ADAMTS16: variants seen among roughly 807,000 people sequenced by gnomAD.
ADAMTS16 encodes ADAM metallopeptidase with thrombospondin type 1 motif 16, also known as A disintegrin and metalloproteinase with thrombospondin motifs 16.
In ADAMTS16, 94 loss-of-function variants were observed where a neutral mutation model predicts 145.8. The observed-to-expected ratio is 0.64, with a 90% confidence interval of 0.55 to 0.77. ADAMTS16 has a LOEUF of 0.77. Ranked by LOEUF, ADAMTS16 falls within the 30% of genes least tolerant of loss-of-function variation. ADAMTS16 has a pLI of 0.00. For missense variants in ADAMTS16, 1,585 were observed against 1,591.5 expected (o/e 1.00, Z 0.07); for synonymous variants, 659 against 604.3 (o/e 1.09, Z -1.33).
At chr5:5,152,765 T>C (rs151181625) in intron 3 of ADAMTS16, among the ~76,000 whole-genome samples, 25 of 152,362 alleles carry the variant, frequency 1.6e-4, no homozygotes, top group Admixed American at 4.6e-4. Context: ...TGTTTCTCCA[T>C]ATTTTATGCA....
intron 10 of ADAMTS16, among the ~76,000 whole-genome samples, chr5:5,212,107 A>C (rs895428022): frequency 2.6e-5 from 4 of 152,062 alleles, no homozygotes; most frequent in African/African-American, 9.7e-5. Flanking sequence ...TTGTTCCACC[A>C]GTTTTACAAA....
chr5:5,195,942 T>C (rs181621813), intron 8 of ADAMTS16, among the ~76,000 whole-genome samples: 2 of 152,188 alleles, frequency 1.3e-5, no homozygotes, highest in East Asian at 1.9e-4. Context: ...AGAAGCAGCA[T>C]TGGGCCGTGT....
intron 16 of ADAMTS16, among the ~76,000 whole-genome samples, chr5:5,240,874 A>T (rs1181788588): frequency 6.6e-6 from 1 of 152,120 alleles, no homozygotes; most frequent in Non-Finnish European, 1.5e-5. Context: ...TCTTTCCATG[A>T]TCTTTCCTTG....
intron 8 of ADAMTS16, among the ~76,000 whole-genome samples, chr5:5,193,360 C>T (rs1735718687): frequency 6.6e-6 from 1 of 152,148 alleles, no homozygotes; most frequent in African/African-American, 2.4e-5. Flanking sequence ...GAAAATTACA[C>T]CTTCACTTTA....
chr5:5,273,296 C>T (rs1424573336), intron 18 of ADAMTS16, among the ~76,000 whole-genome samples: 3 of 152,176 alleles, frequency 2.0e-5, no homozygotes, highest in Non-Finnish European at 2.9e-5. Context: ...GGCAAGTGGA[C>T]GGCTTGAGCT....
intron 11 of ADAMTS16, among the ~76,000 whole-genome samples, chr5:5,226,081 TG>T (rs1312251156): frequency 6.6e-6 from 1 of 152,166 alleles, no homozygotes; most frequent in African/African-American, 2.4e-5. Flanking sequence ...AGAATCAAAA[TG>T]GGAGGCGGTT....
In ADAMTS16 at chr5:5,237,093, A is replaced by C; in HGVS notation, c.2148A>C (p.Ile716=). 1 of 1,613,286 alleles carries C rather than the reference A, an allele frequency of 6.2e-7. No individual in the cohort carries two copies. Among genetic ancestry groups the C allele is most frequent in the South Asian group, 1.1e-5 (1 of 90,824 alleles). Residue 716 remains isoleucine (I), a synonymous_variant, in exon 14 of 23, where the codon ATA becomes ATC. Transcript: ENST00000274181. ...GCCGTAATGTTTGTATAGATGGGAT[A>C]TGTGAGGTAATCATGATCCTTCATT... The part of the protein sequence containing the change: ...EDSRNVCIDG[I]CERVGCDNVL...
chr5:5,164,609 C>T (rs1279570853), intron 3 of ADAMTS16, among the ~76,000 whole-genome samples: 2 of 152,196 alleles, frequency 1.3e-5, no homozygotes, highest in Non-Finnish European at 2.9e-5. Context: ...AGTAGGAGCC[C>T]GCCAGCCCTG....
chr5:5,236,742 G>A (rs985506017), intron 13 of ADAMTS16, among the ~76,000 whole-genome samples: 3 of 152,062 alleles, frequency 2.0e-5, no homozygotes, highest in African/African-American at 4.8e-5. Context: ...AAAATCAAAG[G>A]TCTTAAAGGA....
At chr5:5,178,089 A>G (rs1735246631) in intron 3 of ADAMTS16, among the ~76,000 whole-genome samples, 1 of 152,254 alleles carries the variant, frequency 6.6e-6, no homozygotes, top group Admixed American at 6.5e-5. Context: ...CAACAAATAT[A>G]CTACAGTAAA....
At chr5:5,304,069 T>C (rs1306203626) in intron 20 of ADAMTS16, among the ~76,000 whole-genome samples, 1 of 152,112 alleles carries the variant, frequency 6.6e-6, no homozygotes, top group African/African-American at 2.4e-5. Context: ...CTCATCTCAC[T>C]GACAGCGGGG....
rs1475599922 is a variant in ADAMTS16 at position 5,317,645 on chromosome 5, G to A, written c.3412-489G>A. Among the ~76,000 whole-genome samples, 6 of 151,970 alleles carry A rather than the reference G, an allele frequency of 3.9e-5. No homozygotes were observed. Among genetic ancestry groups the A allele is most frequent in the Non-Finnish European group, 8.8e-5 (6 of 68,018 alleles). Reference sequence around the variant, plus strand: ...ACTCCTGACCTCAGGTGATCCACCCGCCTCAGCCTCCCAAAGTGCTGGGAT... The same window carrying A: ...ACTCCTGACCTCAGGTGATCCACCCACCTCAGCCTCCCAAAGTGCTGGGAT... On this transcript the variant is annotated intron_variant, in intron 21 of 22. Transcript: ENST00000274181. The surrounding 1 kb of genome is among the most constrained non-coding windows in gnomAD (Gnocchi z 4.5).
chr5:5,232,706 C>T (rs575856001), intron 12 of ADAMTS16, among the ~76,000 whole-genome samples, 190 bp downstream of exon 12: 2 of 149,504 alleles, frequency 1.3e-5, no homozygotes, highest in South Asian at 4.2e-4. Flanking sequence ...CGGATTCAAG[C>T]TATTCTCCTG....
At chr5:5,216,403 T>C (rs1345520022) in intron 10 of ADAMTS16, among the ~76,000 whole-genome samples, 1 of 151,916 alleles carries the variant, frequency 6.6e-6, no homozygotes, top group Non-Finnish European at 1.5e-5. Context: ...TTTGTTTGAG[T>C]TCATTGTAGA....
intron 10 of ADAMTS16, among the ~76,000 whole-genome samples, chr5:5,220,463 T>C (rs6863302): frequency 0.31 from 46,696 of 151,706 alleles, 8,466 homozygotes; most frequent in East Asian, 0.5. Flanking sequence ...CGGCCAATAA[T>C]TTAACATTTT....
intron 18 of ADAMTS16, among the ~76,000 whole-genome samples, chr5:5,302,722 T>C (rs1469424235): frequency 1.3e-5 from 2 of 152,210 alleles, no homozygotes; most frequent in Admixed American, 1.3e-4. Flanking sequence ...ATGACACAGC[T>C]GGGAATTGGA....
At position 5,243,869 on chromosome 5, in the gene ADAMTS16, A is replaced by T. The variant is rs566307020; in HGVS notation, c.2662+1678A>T. ...AGTATCCTGAAACACTGAATGGATG[A>T]TTAGTGTATTTGCAAGTCACCTAAC... On this transcript the variant is annotated intron_variant, in intron 17 of 22. Coordinates refer to ENST00000274181, the MANE Select transcript of ADAMTS16 (RefSeq NM_139056.4). 5.3e-5 allele frequency among the ~76,000 whole-genome samples: 8 copies of T among 152,182 alleles called. No homozygotes were observed. In the South Asian group the frequency reaches 6.2e-4, roughly 12 times the overall value.
At chr5:5,169,154 A>G (rs906592253) in intron 3 of ADAMTS16, among the ~76,000 whole-genome samples, 1 of 152,164 alleles carries the variant, frequency 6.6e-6, no homozygotes, top group African/African-American at 2.4e-5. Context: ...AAAGACCAAT[A>G]AACTAATACC....
rs2126560481 is a variant in ADAMTS16 at position 5,182,309 on chromosome 5, T to C, written c.763+4T>C. 5 of 1,607,490 alleles carry C rather than the reference T, an allele frequency of 3.1e-6. No homozygotes were observed. The highest frequency in any genetic ancestry group is 1.7e-4 in the Middle Eastern group (1 of 6,032). ...TTCTGTGGAAGACGCAAGAAATGTA[T>C]GTAAGGGCGAATCTTTGTGTGTATT... On this transcript the variant is annotated splice_donor_region_variant and intron_variant, in intron 4 of 22. Coordinates refer to ENST00000274181, the MANE Select transcript of ADAMTS16 (RefSeq NM_139056.4).
Sources: gnomAD v4.1 joint callset for allele counts (sites outside exome capture counted in the v4.1 genomes callset) on GRCh38, gnomAD v4.1.1 for gene constraint, Gnocchi (gnomAD v3.1) non-coding constraint, MANE v1.5 for transcripts, NCBI Gene and HGNC (gene_info 2026-07-23, HGNC 2026-07-21) for gene names.